Variants in CCNE2 observed in about 807,000 individuals in gnomAD.
CCNE2 encodes the protein cyclin E2.
Under a neutral mutation model 56.8 loss-of-function variants are expected in CCNE2, and 18 were observed. The ratio of observed to expected loss-of-function variants is 0.32; its 90% CI spans 0.22 to 0.47. CCNE2 has a LOEUF of 0.47. Among genes scored for constraint, CCNE2 ranks in the 20% least tolerant of loss-of-function variants. CCNE2 has a pLI of 1.00. For synonymous variants in CCNE2, 139 were observed against 149.2 expected, an observed-to-expected ratio of 0.93 and a Z score of 0.50; for missense variants, 371 against 467.1, an observed-to-expected ratio of 0.79 and a Z score of 1.90.
intron 4 of CCNE2, chr8:94,893,675 A>G: frequency 1.8e-6 from 1 of 568,944 alleles, no homozygotes; most frequent in Middle Eastern, 4.7e-4. Flanking sequence ...ATTTACAAAA[A>G]GGAACCAGCT....
intron 5 of CCNE2, 34 bp from the exon 6 acceptor site, chr8:94,890,584 T>TAC (rs1226242645): frequency 1.7e-6 from 1 of 587,288 alleles, no homozygotes. Context: ...CATATATATA[T>TAC]ATATATATTT....
rs1817000363 is a variant in CCNE2 at position 94,885,456 on chromosome 8, T to C, written c.696+7A>G. The C allele has an allele frequency of 6.6e-7, 1 of 1,510,682 alleles. No individual in the cohort carries two copies. Among genetic ancestry groups the C allele is most frequent in the African/African-American group, 1.4e-5 (1 of 71,608 alleles). 93.6% of individuals were successfully genotyped at this position (1,510,682 alleles called of 1,614,324 possible). On this transcript the variant is annotated splice_region_variant and intron_variant, in intron 8 of 11. Coordinates refer to ENST00000308108, the MANE Select transcript of CCNE2 (RefSeq NM_057749.3). ...TTTTGCAACTAGGAAAACATAATTA[T>C]TATTACCTTTAATATAATGAGTTCC...
Position 94,882,218 on chromosome 8 carries a change from T to C in CCNE2, c.1015A>G (p.Ser339Gly), listed in dbSNP as rs914247083. The C allele has an allele frequency of 1.9e-6, 3 of 1,612,884 alleles. No individual in the cohort carries two copies. In the African/African-American group the frequency reaches 4.0e-5, roughly 22 times the overall value. Residue 339 changes from serine (S) to glycine (G), a missense_variant, in exon 11 of 12, where the codon AGT becomes GGT. By Grantham distance (56) the Ser-to-Gly change is moderately conservative. Transcript: ENST00000308108. ...TTAAAAGTCTTCAGCTTCACTGGAC[T>C]AGTACTTTTTACTACATTGACAAAA... ...VPFVNVVKST[S>G]PVKLKTFKKI...
At chr8:94,882,340 C>A in intron 10 of CCNE2, 51 bp from the exon 11 acceptor site, 1 of 1,414,076 alleles carries the variant, frequency 7.1e-7, no homozygotes, top group South Asian at 1.4e-5. Flanking sequence ...ACATCAGAAA[C>A]TATCTTACAT....
intron 11 of CCNE2, 158 bp from the exon 12 acceptor site, chr8:94,881,903 AT>A: frequency 1.0e-6 from 1 of 952,958 alleles, no homozygotes; most frequent in Non-Finnish European, 1.5e-6. Flanking sequence ...AACGTTATAT[AT>A]TTTTTAAACT....
Position 94,893,757 on chromosome 8 carries a change from C to T in CCNE2, c.165+134G>A, listed in dbSNP as rs1156773101. ...GAAACCACCCAAAGATAGGCGCCTT[C>T]CTGCTGACCTCTAGGGGCATTAAAA... On this transcript the variant is annotated intron_variant, in intron 4 of 11. Transcript: ENST00000308108. 5.9e-5 allele frequency: 52 copies of T among 879,844 alleles called. No homozygotes were observed. The South Asian group carries it at 8.3e-4, about 14-fold the overall frequency. 54.5% of individuals were successfully genotyped at this position (879,844 alleles called of 1,614,324 possible).
chr8:94,882,766 AAT>A lies in CCNE2; in HGVS notation c.943+13_943+14del, dbSNP rs1350110407. 1 of 1,539,434 alleles carries A rather than the reference AAT, an allele frequency of 6.5e-7. No individual in the cohort carries two copies. On this transcript the variant is annotated intron_variant, in intron 10 of 11. Coordinates refer to ENST00000308108, the MANE Select transcript of CCNE2 (RefSeq NM_057749.3). ...GTTGTGAAAAGGTAAGAAGACAACA[AAT>A]AGAGAGTCTTACCTGAGGCTTTCTT...
chr8:94,892,846 TA>T lies in CCNE2; in HGVS notation c.288del (p.Phe96LeufsTer10). Reference protein sequence around the residue: ...RFTNYRFKNLFINPSPLPDLS... With the variant: ...RFTNYRFKNLXINPSPLPDLS... ...AAATCAGGCAAAGGTGAAGGATTAA[TA>T]AAAAGATTTTTAAATCTGTAATTTG... On this transcript the variant is annotated frameshift_variant, in exon 5 of 12. Transcript: ENST00000308108. LOFTEE classifies it high-confidence loss of function. 6.8e-7 allele frequency: 1 copy of T among 1,467,730 alleles called. No individual in the cohort carries two copies. Among genetic ancestry groups the T allele is most frequent in the Non-Finnish European group, 9.2e-7 (1 of 1,090,554 alleles). The allele number at this position is 1,467,730 out of a possible 1,614,324, so 90.9% of individuals were successfully genotyped here. A position where few individuals can be genotyped will look rare whatever the true frequency, so the allele number is the denominator to read the frequency against.
chr8:94,891,722 A>G, intron 5 of CCNE2: 1 of 796,314 alleles, frequency 1.3e-6, no homozygotes, highest in Admixed American at 1.9e-5. Flanking sequence ...CAGAAACAGC[A>G]TGTGCCATTC....
chr8:94,894,734 C>A (rs1189906007), intron 1 of CCNE2: 2 of 153,196 alleles, frequency 1.3e-5, no homozygotes, highest in African/African-American at 2.4e-5. Flanking sequence ...GGTGTCACGG[C>A]CTCCAGTCTC....
chr8:94,895,192 C>G lies in CCNE2; in HGVS notation c.-42G>C, dbSNP rs536771035. 7.8e-5 allele frequency: 77 copies of G among 985,970 alleles called. No individual in the cohort carries two copies. In the African/African-American group the frequency reaches 1.1e-3, roughly 14 times the overall value. The allele number at this position is 985,970 out of a possible 1,614,324, so 61.1% of individuals were successfully genotyped here. On this transcript the variant is annotated 5_prime_UTR_variant, in exon 1 of 12. Transcript: ENST00000308108. ...AACTCCTCACCGCCAGACCAGCTACCGCTCGGCTCAGCTGGCGCCGGCGCC... is the reference window on the plus strand; with the variant it reads ...AACTCCTCACCGCCAGACCAGCTACGGCTCGGCTCAGCTGGCGCCGGCGCC...
At position 94,885,516 on chromosome 8, in the gene CCNE2, CAGTGACGTA is replaced by C. The variant is rs1220693854; in HGVS notation, c.634_642del (p.Tyr212_Thr214del). 6.2e-7 allele frequency: 1 copy of C among 1,609,410 alleles called. No homozygotes were observed. Among genetic ancestry groups the C allele is most frequent in the Non-Finnish European group, 8.5e-7 (1 of 1,176,714 alleles). On this transcript the variant is annotated inframe_deletion, in exon 8 of 12. Transcript: ENST00000308108. ...ATATCCTCTTCACTGCAAGCACCAT[CAGTGACGTA>C]AGCAAACTCTTGGAGTTTAGGAGCA...
At chr8:94,888,976 G>A (rs1013133848) in intron 6 of CCNE2, among the ~76,000 whole-genome samples, 1 of 152,074 alleles carries the variant, frequency 6.6e-6, no homozygotes, top group Non-Finnish European at 1.5e-5. Flanking sequence ...GGGTGAAACC[G>A]CATCTCTATT....
chr8:94,896,532 A>G (rs1045564477), upstream of CCNE2: 1 of 151,686 alleles, frequency 6.6e-6, no homozygotes, highest in Non-Finnish European at 1.5e-5. Flanking sequence ...CGAGGCGGGG[A>G]ACAGCTCCGG....
chr8:94,882,956 A>G, intron 9 of CCNE2, 64 bp from the exon 10 acceptor site: 2 of 1,106,492 alleles, frequency 1.8e-6, no homozygotes, highest in Non-Finnish European at 2.7e-6. Context: ...GTCTCTTGCT[A>G]AAACCTTAGG....
At position 94,885,130 on chromosome 8, in the gene CCNE2, A is replaced by G. The variant is rs755098252; in HGVS notation, c.768T>C (p.Leu256=). 6.2e-7 allele frequency: 1 copy of G among 1,613,284 alleles called. No homozygotes were observed. Among genetic ancestry groups the G allele is most frequent in the South Asian group, 1.1e-5 (1 of 91,066 alleles). The part of the protein sequence containing the change: ...WLNLFLQVDA[L]KDAPKVLLPQ... ...GTAGAAGAACTTTAGGAGCATCTTTAAGAGCATCAACTTGGAGAAAGAGAT... is the reference window on the plus strand; with the variant it reads ...GTAGAAGAACTTTAGGAGCATCTTTGAGAGCATCAACTTGGAGAAAGAGAT... The change falls in exon 9 of 12, where the codon CTT becomes CTC. Residue 256 remains leucine, a synonymous_variant. Transcript: ENST00000308108.
Position 94,893,906 on chromosome 8 carries a change from A to G in CCNE2, c.150T>C (p.His50=). Residue 50 remains histidine, a synonymous_variant, in exon 4 of 12, where the codon CAT becomes CAC. Coordinates refer to ENST00000308108, the MANE Select transcript of CCNE2 (RefSeq NM_057749.3). The stretch of plus-strand genomic sequence containing the variant: ...TCTGCATTACCCTAATTTCATACTG[A>G]TGTTTCTTGGTGACCTCCTCTCTTC... ...KKRREEVTKK[H]QYEIRNCWPP... is the part of the protein sequence containing the mutation. 4 of 1,611,242 alleles carry G rather than the reference A, an allele frequency of 2.5e-6. No homozygotes were observed. The highest frequency in any genetic ancestry group is 3.4e-6 in the Non-Finnish European group (4 of 1,177,486).
chr8:94,891,612 C>T (rs1375880365), intron 5 of CCNE2: 31 of 401,072 alleles, frequency 7.7e-5, no homozygotes, highest in Non-Finnish European at 1.0e-4. Context: ...GAGCCGAGAT[C>T]GTGCCACTGC....
At chr8:94,891,778 T>G (rs28399561) in intron 5 of CCNE2, 8 of 1,420,834 alleles carry the variant, frequency 5.6e-6, no homozygotes, top group Non-Finnish European at 7.9e-6. Flanking sequence ...GGCCAAGCAG[T>G]GGGACTGGAC....
Sources: gnomAD v4.1 joint callset for allele counts (sites outside exome capture counted in the v4.1 genomes callset) on GRCh38, gnomAD v4.1.1 for gene constraint, MANE v1.5 for transcripts, NCBI Gene and HGNC (gene_info 2026-07-23, HGNC 2026-07-21) for gene names.